MMP26: variants seen among roughly 807,000 people sequenced by gnomAD.
MMP26 encodes the protein matrix metalloproteinase-26.
A neutral mutation model predicts 31.0 loss-of-function variants in MMP26; 33 were observed. The observed-to-expected ratio is 1.06, with a 90% CI of 0.81 to 1.42. The LOEUF (loss-of-function observed/expected upper bound fraction) is 1.42, where lower values mean the gene tolerates loss of function less well. Ranked by LOEUF, MMP26 falls within the 40% of genes most tolerant of loss-of-function variation. The probability of loss-of-function intolerance (pLI) is 0.00; values close to 1 mark genes in which losing one functional copy is unlikely to be tolerated. For synonymous variants in MMP26, 122 were observed against 114.9 expected, an observed-to-expected ratio of 1.06 and a Z score of -0.40; for missense variants, 347 against 316.1, an observed-to-expected ratio of 1.10 and a Z score of -0.74.
At chr11:4,989,976 A>T in intron 4 of MMP26, 108 bp downstream of exon 4, 1 of 883,862 alleles carries the variant, frequency 1.1e-6, no homozygotes, top group South Asian at 1.7e-5. Context: ...TTTCATTGGC[A>T]GCCCGCTCAA....
At chr11:4,809,367 A>C (rs764168418) in intron 2 of MMP26, among the ~76,000 whole-genome samples, 3 of 152,344 alleles carry the variant, frequency 2.0e-5, no homozygotes, top group Non-Finnish European at 4.4e-5. Context: ...ATGTGGTTAC[A>C]AGAACTGTAT....
intron 2 of MMP26, among the ~76,000 whole-genome samples, chr11:4,840,744 A>T (rs1849782373): frequency 6.6e-6 from 1 of 152,202 alleles, no homozygotes; most frequent in Admixed American, 6.5e-5. Flanking sequence ...TACAATAAAT[A>T]AACAATTCTT....
At chr11:4,882,566 A>T in intron 2 of MMP26, 1 of 1,613,778 alleles carries the variant, frequency 6.2e-7, no homozygotes, top group Non-Finnish European at 8.5e-7. Flanking sequence ...CTATGTCCTG[A>T]TCCTCCGTAC....
At chr11:4,783,492 G>A (rs34798636) in intron 2 of MMP26, among the ~76,000 whole-genome samples, 14,426 of 152,206 alleles carry the variant, frequency 0.095, 850 homozygotes, top group Middle Eastern at 0.15. Flanking sequence ...ATAAGCAGAA[G>A]GGACTTGCCT....
At chr11:4,855,731 G>A (rs1263241955) in intron 2 of MMP26, among the ~76,000 whole-genome samples, 1 of 152,136 alleles carries the variant, frequency 6.6e-6, no homozygotes, top group Non-Finnish European at 1.5e-5. Context: ...ACGCCACAAT[G>A]ATACTCCTCG....
At chr11:4,939,626 A>G (rs1846180692) in intron 2 of MMP26, among the ~76,000 whole-genome samples, 1 of 152,142 alleles carries the variant, frequency 6.6e-6, no homozygotes. Context: ...TTCTAAGAAT[A>G]TGGACAGTAT....
At chr11:4,705,798 G>A (rs1211240028) in intron 1 of MMP26, among the ~76,000 whole-genome samples, 1 of 152,166 alleles carries the variant, frequency 6.6e-6, no homozygotes, top group East Asian at 1.9e-4. Context: ...GACCATCCTG[G>A]CCAACATGGT....
At chr11:4,827,187 C>G (rs1849588333) in intron 2 of MMP26, among the ~76,000 whole-genome samples, 1 of 152,122 alleles carries the variant, frequency 6.6e-6, no homozygotes, top group African/African-American at 2.4e-5. Flanking sequence ...CGGTGATGCA[C>G]TAGAAGCAGC....
chr11:4,982,081 C>T (rs368631897), intron 2 of MMP26, among the ~76,000 whole-genome samples: 2 of 148,908 alleles, frequency 1.3e-5, no homozygotes, highest in African/African-American at 5.0e-5. Context: ...TATATATATA[C>T]ACACAATATA....
chr11:4,991,874 T>C (rs1847009028), intron 6 of MMP26, 90 bp from the exon 7 acceptor site: 8 of 1,213,934 alleles, frequency 6.6e-6, no homozygotes, highest in Non-Finnish European at 8.9e-6. Flanking sequence ...TCGTTTTCTG[T>C]TCTCTCCTTT....
At chr11:4,820,169 A>G (rs1849475960) in intron 2 of MMP26, among the ~76,000 whole-genome samples, 1 of 152,174 alleles carries the variant, frequency 6.6e-6, no homozygotes, top group South Asian at 2.1e-4. Context: ...AGCTTTACTG[A>G]GTGAAGGCAT....
intron 1 of MMP26, among the ~76,000 whole-genome samples, chr11:4,754,294 A>T (rs1184828948): frequency 6.6e-6 from 1 of 151,954 alleles, no homozygotes; most frequent in Non-Finnish European, 1.5e-5. Flanking sequence ...TTCTTCAGTT[A>T]ATATTTATTT....
chr11:4,795,739 A>G (rs2133446910), intron 2 of MMP26, among the ~76,000 whole-genome samples: 1 of 152,314 alleles, frequency 6.6e-6, no homozygotes, highest in East Asian at 1.9e-4. Flanking sequence ...GGGCAGGTCT[A>G]AACCTTCTTT....
chr11:4,897,520 C>T (rs1004421558), intron 2 of MMP26, among the ~76,000 whole-genome samples: 2 of 152,136 alleles, frequency 1.3e-5, no homozygotes, highest in African/African-American at 4.8e-5. Flanking sequence ...TTATGACTAT[C>T]TTTGTCTTAC....
intron 1 of MMP26, among the ~76,000 whole-genome samples, chr11:4,739,516 G>A (rs747893751): frequency 6.6e-6 from 1 of 152,054 alleles, no homozygotes; most frequent in Non-Finnish European, 1.5e-5. Context: ...CTAGACCTAG[G>A]CATTGGCTAG....
chr11:4,941,190 A>G lies in MMP26; in HGVS notation c.-144-46878A>G, dbSNP rs1245526336. ...TCCAATCAATAGAATCAGTCATGATATTTTATGTACATTTACACTACCTTT... is the reference window on the plus strand; with the variant it reads ...TCCAATCAATAGAATCAGTCATGATGTTTTATGTACATTTACACTACCTTT... On this transcript the variant is annotated intron_variant, in intron 2 of 7. Coordinates refer to ENST00000380390, the MANE Select transcript of MMP26 (RefSeq NM_021801.5). Among the ~76,000 whole-genome samples, 2 of 152,170 alleles carry G rather than the reference A, an allele frequency of 1.3e-5. 1 individual carries two copies. Among genetic ancestry groups the G allele is most frequent in the Middle Eastern group, 6.3e-3 (2 of 316 alleles).
intron 2 of MMP26, among the ~76,000 whole-genome samples, chr11:4,822,648 C>T (rs1849526540): frequency 6.6e-6 from 1 of 152,134 alleles, no homozygotes; most frequent in Admixed American, 6.5e-5. Flanking sequence ...TTAATTCAGG[C>T]TCTGTATACA....
intron 1 of MMP26, among the ~76,000 whole-genome samples, chr11:4,740,554 G>A (rs1848298827): frequency 6.6e-6 from 1 of 151,788 alleles, no homozygotes; most frequent in Admixed American, 6.6e-5. Context: ...ATGAGGGTGG[G>A]CGCCTGTAAT....
intron 2 of MMP26, among the ~76,000 whole-genome samples, chr11:4,912,437 A>G (rs570799474): frequency 4.6e-4 from 70 of 152,302 alleles, no homozygotes; most frequent in Middle Eastern, 6.8e-3. Flanking sequence ...GAGAGAATCC[A>G]GCTGTGAAGC....
Sources: allele counts gnomAD v4.1 joint callset (sites outside exome capture counted in the v4.1 genomes callset), GRCh38; gene constraint gnomAD v4.1.1; transcripts MANE v1.5; gene names NCBI Gene and HGNC (gene_info 2026-07-23, HGNC 2026-07-21).